UNC13C: variants seen among roughly 807,000 people sequenced by gnomAD.
UNC13C encodes the protein protein unc-13 homolog C.
A neutral mutation model predicts 245.4 loss-of-function variants in UNC13C; 174 were observed. The observed-to-expected ratio is 0.71, with a 90% CI of 0.63 to 0.80. UNC13C has a LOEUF of 0.80. Ranked by LOEUF, UNC13C falls within the 30% of genes least tolerant of loss-of-function variation. The probability of loss-of-function intolerance (pLI) is 0.00; values close to 1 mark genes in which losing one functional copy is unlikely to be tolerated. For missense variants in UNC13C, 2,829 were observed against 2,602.9 expected (o/e 1.09, Z -1.89); for synonymous variants, 992 against 895.1 (o/e 1.11, Z -1.93).
chr15:54,583,142 CG>C (rs1898284407), intron 30 of UNC13C, among the ~76,000 whole-genome samples: 1 of 152,102 alleles, frequency 6.6e-6, no homozygotes, highest in Admixed American at 6.6e-5. Flanking sequence ...TTAAGCCTCA[CG>C]CCACACCATT....
intron 4 of UNC13C, among the ~76,000 whole-genome samples, chr15:54,225,099 A>G (rs1269868099): frequency 3.6e-5 from 4 of 111,108 alleles, no homozygotes; most frequent in African/African-American, 7.0e-5. Context: ...GCTTTTTTTC[A>G]TTGATCTTTT....
intron 4 of UNC13C, among the ~76,000 whole-genome samples, chr15:54,212,371 A>C (rs145181340): frequency 6.6e-6 from 1 of 152,098 alleles, no homozygotes; most frequent in African/African-American, 2.4e-5. Flanking sequence ...AAGTGACTCT[A>C]CTTACATTCT....
chr15:54,362,809 A>G (rs1354700533), intron 17 of UNC13C, among the ~76,000 whole-genome samples: 1 of 152,204 alleles, frequency 6.6e-6, no homozygotes, highest in Non-Finnish European at 1.5e-5. Flanking sequence ...TCTGAGAGAA[A>G]AAAAGGTGTT....
chr15:54,531,159 C>T (rs184697034), intron 25 of UNC13C, among the ~76,000 whole-genome samples: 2 of 152,136 alleles, frequency 1.3e-5, no homozygotes, highest in East Asian at 3.9e-4. Flanking sequence ...ATTGCATGGG[C>T]AGTTAAATAA....
intron 19 of UNC13C, among the ~76,000 whole-genome samples, chr15:54,474,558 T>C (rs1892625787): frequency 6.6e-6 from 1 of 152,096 alleles, no homozygotes; most frequent in Non-Finnish European, 1.5e-5. Context: ...GCTGTTTACT[T>C]GTTTGAGTTC....
At chr15:54,596,529 A>C (rs921201356) in intron 30 of UNC13C, among the ~76,000 whole-genome samples, 1 of 152,236 alleles carries the variant, frequency 6.6e-6, no homozygotes, top group Non-Finnish European at 1.5e-5. Flanking sequence ...AAGAGGCCAA[A>C]TGAGAGCACC....
At chr15:54,085,464 A>G (rs1899186252) in intron 2 of UNC13C, among the ~76,000 whole-genome samples, 1 of 152,154 alleles carries the variant, frequency 6.6e-6, no homozygotes, top group African/African-American at 2.4e-5. Context: ...TATAGCTTTC[A>G]GTCATCTCAG....
At chr15:53,932,486 G>A in the UNC13C span, among the ~76,000 whole-genome samples, 5 of 152,250 alleles carry the variant, frequency 3.3e-5, no homozygotes, top group Admixed American at 1.3e-4. Context: ...GCAGGTACTC[G>A]GTAAATACCT....
chr15:54,579,849 G>A (rs956587024), intron 30 of UNC13C, among the ~76,000 whole-genome samples: 2 of 152,218 alleles, frequency 1.3e-5, no homozygotes, highest in Admixed American at 1.3e-4. Flanking sequence ...GGACCCACAT[G>A]TTATTGTATA....
chr15:54,069,124 C>T (rs983510687), intron 2 of UNC13C, among the ~76,000 whole-genome samples: 1 of 152,222 alleles, frequency 6.6e-6, no homozygotes, highest in Non-Finnish European at 1.5e-5. Context: ...AGAAACAGAT[C>T]TAAGATCTTG....
At chr15:54,064,408 A>G (rs1263899206) in intron 2 of UNC13C, among the ~76,000 whole-genome samples, 1 of 152,200 alleles carries the variant, frequency 6.6e-6, no homozygotes, top group African/African-American at 2.4e-5. Flanking sequence ...TTCCTCACAC[A>G]GTGAGGGCTG....
At chr15:54,199,977 G>A (rs1040964350) in intron 4 of UNC13C, among the ~76,000 whole-genome samples, 2 of 152,016 alleles carry the variant, frequency 1.3e-5, no homozygotes, top group Admixed American at 1.3e-4. Flanking sequence ...TAAACTTAAA[G>A]GGGTGGAAAA....
At chr15:53,842,013 T>A in the UNC13C span, among the ~76,000 whole-genome samples, 1 of 152,160 alleles carries the variant, frequency 6.6e-6, no homozygotes, top group Non-Finnish European at 1.5e-5. Flanking sequence ...TCCATTAAGA[T>A]GTTGATGTCT....
the UNC13C span, among the ~76,000 whole-genome samples, chr15:53,857,448 A>G: frequency 6.6e-6 from 1 of 152,186 alleles, no homozygotes; most frequent in African/African-American, 2.4e-5. Context: ...AGGCTATCCT[A>G]AACTAAGATA....
chr15:54,025,514 A>C (rs1896072842), intron 2 of UNC13C, among the ~76,000 whole-genome samples: 1 of 152,232 alleles, frequency 6.6e-6, no homozygotes, highest in Non-Finnish European at 1.5e-5. Flanking sequence ...CCTATCTAAG[A>C]GGAGGGGGAA....
intron 30 of UNC13C, among the ~76,000 whole-genome samples, chr15:54,593,332 T>G (rs1325960548): frequency 1.3e-5 from 1 of 77,742 alleles, no homozygotes; most frequent in Non-Finnish European, 2.8e-5. Context: ...TCTTTGTGCT[T>G]CTTGTATTTG....
At chr15:54,606,815 T>C (rs1899790929) in intron 30 of UNC13C, among the ~76,000 whole-genome samples, 1 of 152,124 alleles carries the variant, frequency 6.6e-6, no homozygotes, top group South Asian at 2.1e-4. Flanking sequence ...TGGGACCAAA[T>C]TGAGTTGAAG....
At chr15:53,973,556 A>G (rs1191871474), upstream of UNC13C, among the ~76,000 whole-genome samples, 1 of 151,350 alleles carries the variant, frequency 6.6e-6, no homozygotes, top group African/African-American at 2.4e-5. Context: ...GTGCCATATC[A>G]CTAAATCAGT....
chr15:54,238,083 T>TTTG, intron 7 of UNC13C, among the ~76,000 whole-genome samples: 1 of 147,140 alleles, frequency 6.8e-6, no homozygotes, highest in South Asian at 2.2e-4. Flanking sequence ...TAGGTTTTTT[T>TTTG]TTTTTTTTTT....
Sources: gnomAD v4.1 joint callset for allele counts (sites outside exome capture counted in the v4.1 genomes callset) on GRCh38, gnomAD v4.1.1 for gene constraint, MANE v1.5 for transcripts, NCBI Gene and HGNC (gene_info 2026-07-23, HGNC 2026-07-21) for gene names.